Variants in CDH8 observed in about 807,000 individuals in gnomAD.
CDH8 encodes cadherin 8.
In CDH8, 17 loss-of-function variants were observed where a neutral mutation model predicts 68.1. That is an observed-to-expected ratio of 0.25 (90% confidence interval 0.17 to 0.37). The LOEUF (loss-of-function observed/expected upper bound fraction) is 0.37. CDH8 is among the 10% of genes least tolerant of loss of function. The pLI is 1.00. For synonymous variants in CDH8, 372 were observed against 365.1 expected (o/e 1.02, Z -0.21); for missense variants, 763 against 999.3 (o/e 0.76, Z 3.19).
chr16:61,931,583 A>C (rs1286352988), intron 2 of CDH8, among the ~76,000 whole-genome samples: 1 of 152,098 alleles, frequency 6.6e-6, no homozygotes, highest in Non-Finnish European at 1.5e-5. Context: ...CTGCTGAGCC[A>C]CTTTTCCTGG....
At chr16:62,009,926 T>C (rs553765715) in intron 2 of CDH8, among the ~76,000 whole-genome samples, 1 of 152,356 alleles carries the variant, frequency 6.6e-6, no homozygotes, top group East Asian at 1.9e-4. Flanking sequence ...ATGATCACTT[T>C]TAATATATTT....
At chr16:61,702,788 T>C (rs1964458349) in intron 10 of CDH8, among the ~76,000 whole-genome samples, 2 of 152,232 alleles carry the variant, frequency 1.3e-5, no homozygotes, top group Non-Finnish European at 2.9e-5. Context: ...AGAGACAGTG[T>C]GTGCTACTGT....
intron 2 of CDH8, among the ~76,000 whole-genome samples, chr16:62,001,085 C>T (rs981811021): frequency 1.3e-5 from 2 of 151,944 alleles, no homozygotes; most frequent in Non-Finnish European, 2.9e-5. Context: ...GACTCATTCA[C>T]GTAGATAATG....
chr16:61,893,285 G>C (rs1441336037), intron 3 of CDH8, among the ~76,000 whole-genome samples: 2 of 152,100 alleles, frequency 1.3e-5, no homozygotes, highest in African/African-American at 4.8e-5. Context: ...ACTCCAGTGT[G>C]ACCTCAATTT....
chr16:61,834,763 T>C (rs1962531391), intron 4 of CDH8, among the ~76,000 whole-genome samples: 1 of 151,908 alleles, frequency 6.6e-6, no homozygotes, highest in African/African-American at 2.4e-5. Context: ...AAATATATGG[T>C]TATGACATGC....
intron 2 of CDH8, among the ~76,000 whole-genome samples, chr16:62,005,670 A>G (rs150153722): frequency 1.6e-3 from 228 of 141,136 alleles, no homozygotes; most frequent in African/African-American, 5.4e-3. Flanking sequence ...CGGGAGGCGG[A>G]GTTTGCAGTG....
chr16:61,860,944 C>T (rs144593600), intron 3 of CDH8, among the ~76,000 whole-genome samples: 53 of 152,256 alleles, frequency 3.5e-4, no homozygotes, highest in African/African-American at 4.8e-4. Flanking sequence ...TCTTCTGAAA[C>T]GCTTATCTGT....
In CDH8 at chr16:61,902,135, T is replaced by C. The variant is rs369582999; in HGVS notation, c.253-662A>G. The stretch of plus-strand genomic sequence containing the variant: ...AATTCGTCTAGTCCAGGAAAATCAT[T>C]CCCATTTTATAGAGAAGAACACTGA... On this transcript the variant is annotated intron_variant, in intron 2 of 11. Transcript: ENST00000577390. Among the ~76,000 whole-genome samples, 104 of 152,296 alleles carry C rather than the reference T, an allele frequency of 6.8e-4. 1 individual carries two copies. In the Middle Eastern group the frequency reaches 0.017, roughly 25 times the overall value.
At chr16:61,925,193 A>G (rs1252374675) in intron 2 of CDH8, among the ~76,000 whole-genome samples, 1 of 152,224 alleles carries the variant, frequency 6.6e-6, no homozygotes, top group Non-Finnish European at 1.5e-5. Flanking sequence ...GTCCAATTAA[A>G]GCAGGTGAGA....
At chr16:61,676,250 A>T (rs763134560) in intron 10 of CDH8, among the ~76,000 whole-genome samples, 2 of 151,002 alleles carry the variant, frequency 1.3e-5, no homozygotes, top group African/African-American at 4.8e-5. Flanking sequence ...ATATACAACT[A>T]GAAAATTCTA....
At chr16:61,818,975 C>T (rs1326498726) in intron 6 of CDH8, among the ~76,000 whole-genome samples, 1 of 141,864 alleles carries the variant, frequency 7.0e-6, no homozygotes, top group Non-Finnish European at 1.5e-5. Flanking sequence ...GTAAACCAGG[C>T]AGGCACTCAC....
At chr16:61,979,549 A>T (rs892539788) in intron 2 of CDH8, among the ~76,000 whole-genome samples, 1 of 152,138 alleles carries the variant, frequency 6.6e-6, no homozygotes, top group African/African-American at 2.4e-5. Flanking sequence ...GTCAGCCTCT[A>T]TCAACCAAAT....
intron 7 of CDH8, among the ~76,000 whole-genome samples, chr16:61,808,649 T>A (rs1397849014): frequency 2.0e-5 from 3 of 152,216 alleles, no homozygotes; most frequent in African/African-American, 7.2e-5. Context: ...ACTAACATTC[T>A]TTAAATTATT....
chr16:61,837,718 A>T (rs1318115899), intron 4 of CDH8, among the ~76,000 whole-genome samples: 3 of 152,026 alleles, frequency 2.0e-5, no homozygotes. Context: ...AATAAGACAA[A>T]TATGTGTGAT....
At chr16:61,992,626 A>C (rs1965745831) in intron 2 of CDH8, among the ~76,000 whole-genome samples, 1 of 132,142 alleles carries the variant, frequency 7.6e-6, no homozygotes, top group Non-Finnish European at 1.7e-5. Context: ...GAGAATAAAA[A>C]ATTCAACGAA....
chr16:61,910,209 A>C (rs2143320389), intron 2 of CDH8, among the ~76,000 whole-genome samples: 1 of 152,238 alleles, frequency 6.6e-6, no homozygotes. Context: ...AAAATCACTT[A>C]AATATGCCCA....
At chr16:61,788,206 A>C (rs950339104) in intron 8 of CDH8, among the ~76,000 whole-genome samples, 2 of 152,080 alleles carry the variant, frequency 1.3e-5, no homozygotes, top group African/African-American at 2.4e-5. Context: ...ACCAGAAAAA[A>C]CATTGTTTCT....
At position 61,935,517 on chromosome 16, in the gene CDH8, C is replaced by G. The variant is rs1416526561; in HGVS notation, c.253-34044G>C. On this transcript the variant is annotated intron_variant, in intron 2 of 11. Coordinates refer to ENST00000577390, the MANE Select transcript of CDH8 (RefSeq NM_001796.5). ...TACATTTGAATGTCCTCATCTTCATCCCTATCCTGATCAGGAGCTGACACT... is the reference window on the plus strand; with the variant it reads ...TACATTTGAATGTCCTCATCTTCATGCCTATCCTGATCAGGAGCTGACACT... Among the ~76,000 whole-genome samples the G allele has an allele frequency of 3.3e-5, 5 of 152,206 alleles. No individual in the cohort carries two copies. The East Asian group carries it at 7.7e-4, about 24-fold the overall frequency.
intron 10 of CDH8, among the ~76,000 whole-genome samples, chr16:61,706,636 A>G (rs1291389583): frequency 1.3e-5 from 2 of 151,322 alleles, no homozygotes; most frequent in African/African-American, 2.4e-5. Flanking sequence ...AAAAAAAAAA[A>G]AAAAAAAAGT....
Sources: gnomAD v4.1 joint callset for allele counts (sites outside exome capture counted in the v4.1 genomes callset) on GRCh38, gnomAD v4.1.1 for gene constraint, MANE v1.5 for transcripts, NCBI Gene and HGNC (gene_info 2026-07-23, HGNC 2026-07-21) for gene names.